The following PAN3 variants were observed in gnomAD, a reference collection of about 807,000 sequenced individuals.
PAN3 encodes PAN2-PAN3 deadenylation complex subunit PAN3.
Under a neutral mutation model 96.2 loss-of-function variants are expected in PAN3, and 19 were observed. That is an observed-to-expected ratio of 0.20 (90% CI 0.14 to 0.29). The LOEUF (loss-of-function observed/expected upper bound fraction) is 0.29. PAN3 is among the 10% of genes least tolerant of loss of function. The probability of loss-of-function intolerance (pLI) is 1.00; values close to 1 mark genes in which losing one functional copy is unlikely to be tolerated. For synonymous variants in PAN3, 433 were observed against 406.6 expected (o/e 1.06, Z -0.78); for missense variants, 882 against 1,108.1 (o/e 0.80, Z 2.90).
In PAN3 at chr13:28,197,178, T is replaced by C. The variant is rs530757846; in HGVS notation, c.691-7T>C. ...AGTGGCCTGGTTTCTTTCCTTCTTTTTCCTAGCCAAGGAAGTATCGCCTGG... is the reference window on the plus strand; with the variant it reads ...AGTGGCCTGGTTTCTTTCCTTCTTTCTCCTAGCCAAGGAAGTATCGCCTGG... On this transcript the variant is annotated splice_polypyrimidine_tract_variant and splice_region_variant and intron_variant, in intron 4 of 18. Transcript: ENST00000380958. The C allele has an allele frequency of 2.2e-4, 356 of 1,610,560 alleles. 3 individuals carry two copies. In the South Asian group the frequency reaches 3.7e-3, roughly 17 times the overall value.
At chr13:28,140,684 GTGT>G (rs1414806781) in intron 1 of PAN3, among the ~76,000 whole-genome samples, 1 of 137,762 alleles carries the variant, frequency 7.3e-6, no homozygotes, top group East Asian at 2.2e-4. Flanking sequence ...GCTGGGCCAA[GTGT>G]TGTTCTGTTC....
At chr13:28,239,554 G>C in intron 6 of PAN3, 1 of 1,240,844 alleles carries the variant, frequency 8.1e-7, no homozygotes, top group Admixed American at 2.3e-5. Context: ...TAGCTGTTCT[G>C]ATTTTTGTTG....
chr13:28,213,711 A>C (rs929804351), intron 5 of PAN3, among the ~76,000 whole-genome samples: 261 of 152,106 alleles, frequency 1.7e-3, no homozygotes, highest in Non-Finnish European at 3.4e-3. Flanking sequence ...GCAAAAAAAA[A>C]AAAAAAAAAG....
intron 4 of PAN3, among the ~76,000 whole-genome samples, chr13:28,187,082 T>G (rs1260768191): frequency 6.6e-6 from 1 of 151,672 alleles, no homozygotes; most frequent in Non-Finnish European, 1.5e-5. Context: ...ATTCCAGCAC[T>G]TTGGGAGGCT....
At chr13:28,176,731 G>T (rs556108506) in intron 3 of PAN3, among the ~76,000 whole-genome samples, 172 bp downstream of exon 3, 4 of 152,066 alleles carry the variant, frequency 2.6e-5, no homozygotes, top group South Asian at 2.1e-4. Flanking sequence ...TCCAGGCCAG[G>T]TGTGGTGGCT....
chr13:28,269,180 C>A (rs1886411765), intron 12 of PAN3, among the ~76,000 whole-genome samples: 1 of 152,152 alleles, frequency 6.6e-6, no homozygotes, highest in South Asian at 2.1e-4. Context: ...CCCTCTACCC[C>A]TATTGTAATG....
At chr13:28,162,978 G>A (rs958579600) in intron 1 of PAN3, among the ~76,000 whole-genome samples, 26 of 152,002 alleles carry the variant, frequency 1.7e-4, no homozygotes, top group African/African-American at 5.3e-4. Context: ...ATTTAAGGCC[G>A]AATGCAGTGG....
chr13:28,200,913 A>T (rs1878609965), intron 5 of PAN3, among the ~76,000 whole-genome samples: 1 of 152,238 alleles, frequency 6.6e-6, no homozygotes, highest in South Asian at 2.1e-4. Context: ...TGGTGTTACC[A>T]AAATTTTATT....
At position 28,201,904 on chromosome 13, in the gene PAN3, A is replaced by G. The variant is rs114734235; in HGVS notation, c.852+4558A>G. 6.9e-3 allele frequency among the ~76,000 whole-genome samples: 1,044 copies of G among 152,254 alleles called. 11 individuals are homozygous for G. Among genetic ancestry groups the G allele is most frequent in the African/African-American group, 0.024 (1,009 of 41,538 alleles). On this transcript the variant is annotated intron_variant, in intron 5 of 18. Coordinates refer to ENST00000380958, the MANE Select transcript of PAN3 (RefSeq NM_175854.8). ...ATGCCACTCTCCCTACAAATCTGGA[A>G]AGTCTAGAAATACGGTTTAATTTTT... is the stretch of plus-strand genomic sequence containing the variant.
chr13:28,259,767 T>C (rs1269301756), intron 7 of PAN3, among the ~76,000 whole-genome samples: 1 of 151,970 alleles, frequency 6.6e-6, no homozygotes, highest in African/African-American at 2.4e-5. Flanking sequence ...GCCTCCTGAG[T>C]AGCTGGGATT....
chr13:28,263,630 G>A (rs1885918259), intron 9 of PAN3, among the ~76,000 whole-genome samples: 1 of 151,960 alleles, frequency 6.6e-6, no homozygotes, highest in Non-Finnish European at 1.5e-5. Flanking sequence ...TGTGCTTCAG[G>A]CCACAAAAAA....
At chr13:28,261,294 A>C (rs1378651966) in intron 8 of PAN3, 107 bp from the exon 9 acceptor site, 2 of 659,514 alleles carry the variant, frequency 3.0e-6, no homozygotes, top group Non-Finnish European at 4.8e-6. Flanking sequence ...TAATATTTAA[A>C]AAGTGCATAT....
intron 5 of PAN3, among the ~76,000 whole-genome samples, chr13:28,204,101 G>T (rs187808988): frequency 6.6e-6 from 1 of 152,084 alleles, no homozygotes; most frequent in Non-Finnish European, 1.5e-5. Flanking sequence ...GAGCGACCAC[G>T]CCCGACCAGC....
At chr13:28,157,243 A>T (rs1593376089) in intron 1 of PAN3, among the ~76,000 whole-genome samples, 1 of 152,156 alleles carries the variant, frequency 6.6e-6, no homozygotes, top group Non-Finnish European at 1.5e-5. Flanking sequence ...AATGAGAGCC[A>T]TGTATGACAA....
chr13:28,223,804 G>T (rs558403706), intron 6 of PAN3, among the ~76,000 whole-genome samples: 2 of 150,444 alleles, frequency 1.3e-5, no homozygotes, highest in Admixed American at 6.6e-5. Flanking sequence ...CTCTGGAAAC[G>T]AAGTTATGAA....
At position 28,258,923 on chromosome 13, in the gene PAN3, G is replaced by A. The variant is rs574356368; in HGVS notation, c.1249-1524G>A. ...GTGCTTTGTGAATAGTTGTTATAAT[G>A]TATTTTTAATTTGTATTACTTCTCA... On this transcript the variant is annotated intron_variant, in intron 7 of 18. Transcript: ENST00000380958. 2.0e-5 allele frequency among the ~76,000 whole-genome samples: 3 copies of A among 152,136 alleles called. No homozygotes were observed. In the South Asian group the frequency reaches 6.2e-4, roughly 32 times the overall value.
chr13:28,145,136 T>C (rs964326686), intron 1 of PAN3, among the ~76,000 whole-genome samples: 1 of 152,224 alleles, frequency 6.6e-6, no homozygotes, highest in Non-Finnish European at 1.5e-5. Context: ...GGATATCTCA[T>C]GTACTCTTCT....
At chr13:28,255,864 A>G (rs940550195) in intron 6 of PAN3, among the ~76,000 whole-genome samples, 1 of 151,952 alleles carries the variant, frequency 6.6e-6, no homozygotes, top group Non-Finnish European at 1.5e-5. Context: ...GGAATGTGCT[A>G]TTTGTATTGT....
chr13:28,208,473 T>C (rs1287832841), intron 5 of PAN3, among the ~76,000 whole-genome samples: 3 of 152,216 alleles, frequency 2.0e-5, no homozygotes, highest in African/African-American at 7.2e-5. Flanking sequence ...CAGATTCTTT[T>C]AAGTACAGGT....
Sources: allele counts gnomAD v4.1 joint callset (sites outside exome capture counted in the v4.1 genomes callset), GRCh38; gene constraint gnomAD v4.1.1; transcripts MANE v1.5; gene names NCBI Gene and HGNC (gene_info 2026-07-23, HGNC 2026-07-21).